KATNAL2: variants seen among roughly 807,000 people sequenced by gnomAD.
KATNAL2 encodes the protein katanin catalytic subunit A1 like 2, also known as katanin p60 ATPase-containing subunit A-like 2.
KATNAL2 carries 52 observed loss-of-function variants against 76.3 expected under a neutral mutation model. The ratio of observed to expected loss-of-function variants is 0.68; its 90% CI spans 0.55 to 0.86. KATNAL2 has a LOEUF of 0.86. KATNAL2 is among the 40% of genes least tolerant of loss of function. KATNAL2 has a pLI of 0.00. For missense variants in KATNAL2, 660 were observed against 668.9 expected (o/e 0.99, Z 0.15); for synonymous variants, 243 against 244.2 (o/e 1.00, Z 0.05).
At position 47,063,335 on chromosome 18, in the gene KATNAL2, C is replaced by A. The variant is rs368038985; in HGVS notation, c.700C>A (p.Arg234=). ...ATTTATTGGCATGAACAGTGAGATG[C>A]GAGAATTGGCAGCCGTGGTGAGCCG... ...SAFIGMNSEM[R]ELAAVVSRDI... The change falls in exon 10 of 18, where the codon CGA becomes AGA. Residue 234 remains arginine, a synonymous_variant. Coordinates refer to ENST00000683218, the MANE Select transcript of KATNAL2 (RefSeq NM_001387690.1). 1.2e-6 allele frequency: 2 copies of A among 1,613,820 alleles called. No individual in the cohort carries two copies. The highest frequency in any genetic ancestry group is 2.2e-5 in the East Asian group (1 of 44,878).
chr18:47,097,666 T>C (rs1039162792), intron 15 of KATNAL2, among the ~76,000 whole-genome samples: 17 of 152,206 alleles, frequency 1.1e-4, no homozygotes, highest in African/African-American at 4.1e-4. Flanking sequence ...ACATGATGCA[T>C]ATGTGTTCAC....
intron 15 of KATNAL2, chr18:47,098,305 A>G: frequency 3.3e-6 from 1 of 301,256 alleles, no homozygotes; most frequent in Non-Finnish European, 6.6e-6. Context: ...AATTAACTGG[A>G]CTTACAGTTT....
At chr18:47,070,776 C>T (rs1223723583) in intron 13 of KATNAL2, among the ~76,000 whole-genome samples, 2 of 152,112 alleles carry the variant, frequency 1.3e-5, no homozygotes, top group African/African-American at 4.8e-5. Flanking sequence ...ACCTTGATAT[C>T]ATTTTCAAGT....
intron 3 of KATNAL2, among the ~76,000 whole-genome samples, chr18:46,960,651 A>T (rs141654059): frequency 1.8e-4 from 27 of 152,328 alleles, no homozygotes; most frequent in Middle Eastern, 6.8e-3. Flanking sequence ...CATTTGCATT[A>T]TGACTGACTT....
intron 1 of KATNAL2, among the ~76,000 whole-genome samples, chr18:46,929,886 T>C (rs2058852181): frequency 6.6e-6 from 1 of 152,202 alleles, no homozygotes; most frequent in Non-Finnish European, 1.5e-5. Flanking sequence ...GTGATTCTCC[T>C]GTCTCAGTCT....
chr18:47,074,586 C>T (rs2062126885), intron 13 of KATNAL2, among the ~76,000 whole-genome samples: 1 of 152,138 alleles, frequency 6.6e-6, no homozygotes, highest in Non-Finnish European at 1.5e-5. Context: ...CCACATCTCC[C>T]TTTAGAGCTC....
chr18:47,050,173 G>A (rs2061297928), intron 4 of KATNAL2, among the ~76,000 whole-genome samples: 1 of 152,020 alleles, frequency 6.6e-6, no homozygotes, highest in Non-Finnish European at 1.5e-5. Flanking sequence ...CACCATGCCT[G>A]GCCTAAGGAA....
chr18:46,958,983 T>C (rs2059848768), intron 3 of KATNAL2, among the ~76,000 whole-genome samples: 1 of 152,238 alleles, frequency 6.6e-6, no homozygotes, highest in Non-Finnish European at 1.5e-5. Context: ...ATCGACTGTG[T>C]TAGCTAATTA....
intron 3 of KATNAL2, among the ~76,000 whole-genome samples, chr18:46,955,648 C>T (rs2146744488): frequency 6.6e-6 from 1 of 152,218 alleles, no homozygotes; most frequent in South Asian, 2.1e-4. Flanking sequence ...CAGCCTTGGG[C>T]TCAATCTACC....
At position 46,946,552 on chromosome 18, in the gene KATNAL2, T is replaced by C. The variant is rs1233293959; in HGVS notation, c.-20+6T>C. 1 of 985,348 alleles carries C rather than the reference T, an allele frequency of 1.0e-6. No individual in the cohort carries two copies. The highest frequency in any genetic ancestry group is 1.7e-5 in the African/African-American group (1 of 57,248). 61.0% of individuals were successfully genotyped at this position (985,348 alleles called of 1,614,324 possible). On this transcript the variant is annotated splice_donor_region_variant and intron_variant, in intron 2 of 17. Coordinates refer to ENST00000683218, the MANE Select transcript of KATNAL2 (RefSeq NM_001387690.1). ...AATCAAGGACAAATATTATGGTACA[T>C]GGCCCTGGGTCAGCTTGTATTTTAG...
rs1161942891 is a variant in KATNAL2 at position 47,100,263 on chromosome 18, G to C, written c.1384G>C (p.Gly462Arg). ...EYSVLSQETE[G>R]YSGSDIKLVC... ...TTTTTGGCTGTTTCAGGAGACTGAG[G>C]GCTACTCAGGCTCAGATATTAAGCT... The change falls in exon 17 of 18, where the codon GGC (glycine) becomes CGC (arginine). Residue 462 changes from glycine (G) to arginine (R), a missense_variant. Gly to Arg is a moderately radical substitution (Grantham distance 125, BLOSUM62 -2). Coordinates refer to ENST00000683218, the MANE Select transcript of KATNAL2 (RefSeq NM_001387690.1). 1.9e-6 allele frequency: 3 copies of C among 1,613,558 alleles called. No individual in the cohort carries two copies. The highest frequency in any genetic ancestry group is 1.7e-6 in the Non-Finnish European group (2 of 1,179,624).
chr18:46,939,506 C>A (rs1042513584), intron 1 of KATNAL2, among the ~76,000 whole-genome samples: 3 of 152,050 alleles, frequency 2.0e-5, no homozygotes, highest in African/African-American at 7.2e-5. Flanking sequence ...AAGTATTCAT[C>A]GTGTGCCAGG....
intron 15 of KATNAL2, among the ~76,000 whole-genome samples, chr18:47,088,192 G>A (rs2062855968): frequency 6.6e-6 from 1 of 152,202 alleles, no homozygotes; most frequent in Non-Finnish European, 1.5e-5. Flanking sequence ...ATCTGTGCAT[G>A]TTAGCAGTTC....
At chr18:47,033,837 C>A in intron 3 of KATNAL2, 1 of 1,614,124 alleles carries the variant, frequency 6.2e-7, no homozygotes, top group Non-Finnish European at 8.5e-7. Context: ...AATCCGAAAG[C>A]GGATCGTAGT....
intron 8 of KATNAL2, among the ~76,000 whole-genome samples, chr18:47,062,475 A>G (rs981616009): frequency 5.9e-5 from 9 of 152,190 alleles, no homozygotes; most frequent in Non-Finnish European, 8.8e-5. Flanking sequence ...TTACACTTAT[A>G]CCCAATAAAT....
Position 47,075,297 on chromosome 18 carries a change from C to T in KATNAL2, c.1029C>T (p.Arg343=). The T allele has an allele frequency of 6.4e-7, 1 of 1,557,094 alleles. No homozygotes were observed. The highest frequency in any genetic ancestry group is 1.2e-5 in the South Asian group (1 of 81,116). ...KLVRVLFELA[R]YHAPSTIFLD... Reference sequence around the variant, plus strand: ...CCCAGGTGTTATTTGAGCTTGCCCGCTACCACGCCCCATCCACGATCTTCC... The same window carrying T: ...CCCAGGTGTTATTTGAGCTTGCCCGTTACCACGCCCCATCCACGATCTTCC... The change falls in exon 14 of 18, where the codon CGC becomes CGT. Residue 343 remains arginine, a synonymous_variant. Coordinates refer to ENST00000683218, the MANE Select transcript of KATNAL2 (RefSeq NM_001387690.1).
chr18:47,100,171 TG>T, intron 16 of KATNAL2, 82 bp from the exon 17 acceptor site: 2 of 899,788 alleles, frequency 2.2e-6, no homozygotes, highest in Non-Finnish European at 3.7e-6. Flanking sequence ...ACAGGGCTTC[TG>T]ATACTGGGTC....
chr18:46,937,155 TG>T (rs1410721448), intron 1 of KATNAL2, among the ~76,000 whole-genome samples: 4 of 152,144 alleles, frequency 2.6e-5, no homozygotes, highest in Non-Finnish European at 4.4e-5. Context: ...TATGAACTCT[TG>T]ATATGGTCTG....
intron 4 of KATNAL2, among the ~76,000 whole-genome samples, chr18:47,052,401 T>C (rs1367221810): frequency 6.6e-6 from 1 of 152,214 alleles, no homozygotes; most frequent in Non-Finnish European, 1.5e-5. Context: ...GGAATTTCCT[T>C]CAGTGCTCGA....
Sources: allele counts gnomAD v4.1 joint callset (sites outside exome capture counted in the v4.1 genomes callset), GRCh38; gene constraint gnomAD v4.1.1; transcripts MANE v1.5; gene names NCBI Gene and HGNC (gene_info 2026-07-23, HGNC 2026-07-21).